Variants in SPTA1 observed in about 807,000 individuals in gnomAD.
SPTA1 encodes the protein spectrin alpha chain, erythrocytic 1.
A neutral mutation model predicts 324.7 loss-of-function variants in SPTA1; 177 were observed. The ratio of observed to expected loss-of-function variants is 0.55; its 90% CI spans 0.48 to 0.62. SPTA1 has a LOEUF of 0.62. Among genes scored for constraint, SPTA1 ranks in the 20% least tolerant of loss-of-function variants. The pLI is 0.00. For synonymous variants in SPTA1, 1,195 were observed against 1,041.3 expected (o/e 1.15, Z -2.84); for missense variants, 3,162 against 2,883.6 (o/e 1.10, Z -2.21).
intron 43 of SPTA1, among the ~76,000 whole-genome samples, chr1:158,622,551 A>T (rs980873667): frequency 5.3e-4 from 81 of 152,284 alleles, no homozygotes; most frequent in African/African-American, 1.9e-3. Flanking sequence ...AGGTTTAGAG[A>T]TATTAAATGA....
intron 39 of SPTA1, among the ~76,000 whole-genome samples, chr1:158,632,850 T>C (rs1650779872): frequency 6.6e-6 from 1 of 151,896 alleles, no homozygotes; most frequent in Non-Finnish European, 1.5e-5. Context: ...AGAAATAGAC[T>C]TATGTTTGCA....
chr1:158,642,652 C>T lies in SPTA1; in HGVS notation c.4606-110G>A, dbSNP rs569492253. ...AATATTTCTATCATAACTGAGGTGA[C>T]GGTGACTTCTGAAGAACCTGCTCCA... On this transcript the variant is annotated intron_variant, in intron 32 of 51. Transcript: ENST00000643759. The T allele has an allele frequency of 4.4e-4, 693 of 1,571,186 alleles. 1 individual carries two copies. The highest frequency in any genetic ancestry group is 3.8e-3 in the East Asian group (168 of 44,100).
chr1:158,642,844 A>G lies in SPTA1; in HGVS notation c.4575T>C (p.Asp1525=), dbSNP rs1651711315. 1.9e-6 allele frequency: 3 copies of G among 1,613,892 alleles called. No individual in the cohort carries two copies. The highest frequency in any genetic ancestry group is 1.3e-5 in the African/African-American group (1 of 75,004). The change falls in exon 32 of 52, where the codon GAT becomes GAC. Residue 1525 remains aspartate (D), a synonymous_variant. Transcript: ENST00000643759. ...WISEMLPTAC[D]ESYKDATNIQ... ...TGTTAGTGGCGTCTTTGTAGGATTCATCACAGGCTGTGGGCAGCATCTCAC... is the reference window on the plus strand; with the variant it reads ...TGTTAGTGGCGTCTTTGTAGGATTCGTCACAGGCTGTGGGCAGCATCTCAC...
At chr1:158,635,762 T>C in intron 38 of SPTA1, 151 bp downstream of exon 38, 1 of 1,140,350 alleles carries the variant, frequency 8.8e-7, no homozygotes, top group Non-Finnish European at 1.3e-6. Flanking sequence ...GAAAGCTTTG[T>C]GGTAAACTTG....
At chr1:158,641,963 T>C (rs1571427059) in intron 33 of SPTA1, among the ~76,000 whole-genome samples, 1 of 152,258 alleles carries the variant, frequency 6.6e-6, no homozygotes, top group African/African-American at 2.4e-5. Context: ...ATATACACCA[T>C]GGAATTCTAT....
At position 158,623,098 on chromosome 1, in the gene SPTA1, T is replaced by G; in HGVS notation, c.6005A>C (p.Gln2002Pro). ...ATAACGCTCTTCAATGGCTTTAGAC[T>G]GGTTGTGTTGAGCAGAAATCAGTTT... is the stretch of plus-strand genomic sequence containing the variant. ...KDKLISAQHN[Q>P]SKAIEERYAA... Residue 2002 changes from glutamine to proline, a missense_variant, in exon 43 of 52, where the codon CAG becomes CCG. Transcript: ENST00000643759. 6.2e-7 allele frequency: 1 copy of G among 1,614,160 alleles called. No homozygotes were observed. Among genetic ancestry groups the G allele is most frequent in the South Asian group, 1.1e-5 (1 of 91,076 alleles).
chr1:158,651,418 A>C lies in SPTA1; in HGVS notation c.3426T>G (p.Asp1142Glu). The C allele has an allele frequency of 6.2e-7, 1 of 1,614,022 alleles. No homozygotes were observed. Residue 1142 changes from aspartate to glutamate, a missense_variant, in exon 24 of 52, where the codon GAT (aspartate) becomes GAG (glutamate). Coordinates refer to ENST00000643759, the MANE Select transcript of SPTA1 (RefSeq NM_003126.4). The part of the protein sequence containing the change: ...PRLRDINKVA[D>E]DLLFEGLLTP... ...TTAGAAGTCCTTCAAATAGTAGATC[A>C]TCAGCTACCTTGTTGATATCCCTTA...
In SPTA1 at chr1:158,672,051, C is replaced by T. The variant is rs1301466476; in HGVS notation, c.1488+8G>A. 6.2e-7 allele frequency: 1 copy of T among 1,613,722 alleles called. No homozygotes were observed. The highest frequency in any genetic ancestry group is 1.1e-5 in the South Asian group (1 of 91,072). On this transcript the variant is annotated splice_region_variant and intron_variant, in intron 11 of 51. Coordinates refer to ENST00000643759, the MANE Select transcript of SPTA1 (RefSeq NM_003126.4). ...ACTTCTAGAGATGGTATGGACCCCT[C>T]CCGTTACCTCTTGTCTACTCATCCA...
At chr1:158,670,109 C>G (rs1255887606) in intron 12 of SPTA1, among the ~76,000 whole-genome samples, 1 of 152,174 alleles carries the variant, frequency 6.6e-6, no homozygotes, top group Non-Finnish European at 1.5e-5. Context: ...ATGTCCATGG[C>G]CAGTCTGTCC....
intron 7 of SPTA1, 46 bp from the exon 8 acceptor site, chr1:158,676,341 C>T (rs1654393419): frequency 6.2e-7 from 1 of 1,608,462 alleles, no homozygotes; most frequent in Non-Finnish European, 8.5e-7. Flanking sequence ...AGTACTCTGA[C>T]TCCCCCTGGC....
chr1:158,663,880 T>C (rs1464414446), intron 16 of SPTA1, among the ~76,000 whole-genome samples: 1 of 152,148 alleles, frequency 6.6e-6, no homozygotes, highest in African/African-American at 2.4e-5. Flanking sequence ...AAAAAGAAGT[T>C]CTTCAAGAAC....
chr1:158,622,799 A>G (rs1650000050), intron 43 of SPTA1, 184 bp downstream of exon 43: 2 of 593,850 alleles, frequency 3.4e-6, no homozygotes, highest in Admixed American at 3.0e-5. Flanking sequence ...CAATCAATCT[A>G]AAAAAAATTT....
chr1:158,662,605 C>T, intron 17 of SPTA1, 97 bp downstream of exon 17: 1 of 1,553,922 alleles, frequency 6.4e-7, no homozygotes, highest in African/African-American at 1.4e-5. Context: ...CAGCTAAGAG[C>T]AAGCTTTCTA....
chr1:158,630,079 T>G (rs902148280), intron 39 of SPTA1, among the ~76,000 whole-genome samples: 10 of 151,926 alleles, frequency 6.6e-5, no homozygotes, highest in Non-Finnish European at 1.2e-4. Flanking sequence ...CTACCCAAAG[T>G]GATGTACAAG....
At chr1:158,619,576 G>A (rs114187816) in intron 44 of SPTA1, among the ~76,000 whole-genome samples, 4,404 of 152,238 alleles carry the variant, frequency 0.029, 89 homozygotes, top group Admixed American at 0.041. Context: ...CCCGTAACAA[G>A]TAAGCTAGTA....
chr1:158,640,340 G>A (rs1304696201), intron 33 of SPTA1, among the ~76,000 whole-genome samples: 1 of 152,164 alleles, frequency 6.6e-6, no homozygotes, highest in Non-Finnish European at 1.5e-5. Flanking sequence ...CAGGTACTGA[G>A]TATGATGGGA....
intron 26 of SPTA1, 139 bp downstream of exon 26, chr1:158,648,370 G>T: frequency 7.7e-7 from 1 of 1,293,226 alleles, no homozygotes; most frequent in Non-Finnish European, 1.1e-6. Flanking sequence ...TAGGGACAGT[G>T]TACAAGAATA....
rs747809623 is a variant in SPTA1, at chr1:158,619,322, C to T, written c.6430G>A (p.Glu2144Lys). Residue 2144 changes from glutamate (E) to lysine (K), a missense_variant, in exon 45 of 52, where the codon GAG becomes AAG. Coordinates refer to ENST00000643759, the MANE Select transcript of SPTA1 (RefSeq NM_003126.4). ...TGTCTTGCCTCTTCCTTTTGCAGCTCCTGCTCCCGTTCCTAAAACCCCAAA... is the reference window on the plus strand; with the variant it reads ...TGTCTTGCCTCTTCCTTTTGCAGCTTCTGCTCCCGTTCCTAAAACCCCAAA... Reference protein sequence around the residue: ...LSDIIEEREQELQKEEARQVK... With the variant: ...LSDIIEEREQKLQKEEARQVK... 1.2e-6 allele frequency: 2 copies of T among 1,614,094 alleles called. No individual in the cohort carries two copies. The highest frequency in any genetic ancestry group is 1.7e-6 in the Non-Finnish European group (2 of 1,179,966).
chr1:158,676,074 C>A, intron 8 of SPTA1, 67 bp downstream of exon 8: 1 of 1,604,716 alleles, frequency 6.2e-7, no homozygotes, highest in Admixed American at 1.7e-5. Context: ...ACTCTTATTT[C>A]TTCTCTCGCT....
Sources: gnomAD v4.1 joint callset for allele counts (sites outside exome capture counted in the v4.1 genomes callset) on GRCh38, gnomAD v4.1.1 for gene constraint, MANE v1.5 for transcripts, NCBI Gene and HGNC (gene_info 2026-07-23, HGNC 2026-07-21) for gene names.